Variants in PABPC4L observed in about 807,000 individuals in gnomAD.
PABPC4L encodes poly(A) binding protein cytoplasmic 4 like, also known as polyadenylate-binding protein 4-like.
For synonymous variants in PABPC4L, 169 were observed against 164.1 expected (o/e 1.03, Z -0.23); for missense variants, 452 against 451.4 (o/e 1.00, Z -0.01).
chr4:134,164,117 G>A, the PABPC4L span, among the ~76,000 whole-genome samples: 2 of 150,652 alleles, frequency 1.3e-5, no homozygotes, highest in African/African-American at 4.9e-5. Context: ...CAAAAAATTA[G>A]CCGGGCGTAG....
chr4:134,000,690 G>A, the PABPC4L span, among the ~76,000 whole-genome samples: 3 of 152,240 alleles, frequency 2.0e-5, no homozygotes, highest in East Asian at 3.9e-4. Context: ...CTCAATATGA[G>A]TGGCAGCAGT....
chr4:134,144,696 C>T, the PABPC4L span, among the ~76,000 whole-genome samples: 1 of 151,332 alleles, frequency 6.6e-6, no homozygotes, highest in Non-Finnish European at 1.5e-5. Context: ...TTCTATTATA[C>T]TCGGGACCCT....
At chr4:134,062,888 G>A in the PABPC4L span, among the ~76,000 whole-genome samples, 1 of 151,968 alleles carries the variant, frequency 6.6e-6, no homozygotes, top group Non-Finnish European at 1.5e-5. Flanking sequence ...TGAACTATAT[G>A]TAACCTATTT....
At chr4:134,056,078 C>T in the PABPC4L span, among the ~76,000 whole-genome samples, 1 of 151,566 alleles carries the variant, frequency 6.6e-6, no homozygotes, top group Non-Finnish European at 1.5e-5. Flanking sequence ...GCTATCTTTC[C>T]TTCATTGAAG....
the PABPC4L span, among the ~76,000 whole-genome samples, chr4:134,093,512 G>T: frequency 6.7e-6 from 1 of 149,086 alleles, no homozygotes; most frequent in African/African-American, 2.5e-5. Context: ...TATAGTCTTC[G>T]TAGTGATACA....
chr4:133,968,157 A>G, the PABPC4L span, among the ~76,000 whole-genome samples: 18 of 152,216 alleles, frequency 1.2e-4, no homozygotes, highest in African/African-American at 4.3e-4. Flanking sequence ...GACTAATGGC[A>G]TAGGGAACTA....
At chr4:134,139,359 G>GTTGC in the PABPC4L span, among the ~76,000 whole-genome samples, 2 of 152,008 alleles carry the variant, frequency 1.3e-5, no homozygotes, top group South Asian at 4.1e-4. Flanking sequence ...ATGAAGCATT[G>GTTGC]TTGCTGACTG....
the PABPC4L span, among the ~76,000 whole-genome samples, chr4:134,165,664 A>G: frequency 6.6e-6 from 1 of 152,198 alleles, no homozygotes; most frequent in African/African-American, 2.4e-5. Context: ...TGGTGAAAAG[A>G]GAACTCTTAC....
chr4:133,958,126 C>G, the PABPC4L span, among the ~76,000 whole-genome samples: 1 of 152,178 alleles, frequency 6.6e-6, no homozygotes, highest in African/African-American at 2.4e-5. Context: ...ATTGCATCAA[C>G]AGGCTGCAGA....
the PABPC4L span, among the ~76,000 whole-genome samples, chr4:133,975,261 C>T: frequency 2.6e-5 from 4 of 151,916 alleles, no homozygotes; most frequent in Admixed American, 1.3e-4. Flanking sequence ...TGTGTGATTC[C>T]ATTTACATAA....
the PABPC4L span, among the ~76,000 whole-genome samples, chr4:134,114,687 C>T: frequency 5.9e-5 from 9 of 151,826 alleles, no homozygotes; most frequent in South Asian, 2.1e-4. Flanking sequence ...TGGGTTTGGA[C>T]GGGTGAATGT....
the PABPC4L span, among the ~76,000 whole-genome samples, chr4:133,966,903 G>A: frequency 8.5e-5 from 13 of 152,126 alleles, no homozygotes; most frequent in African/African-American, 2.7e-4. Flanking sequence ...CCAGTTTGAA[G>A]GTTATTTTGG....
At chr4:134,059,731 G>A in the PABPC4L span, among the ~76,000 whole-genome samples, 2 of 151,772 alleles carry the variant, frequency 1.3e-5, no homozygotes, top group Non-Finnish European at 1.5e-5. Context: ...ATGAAAAACA[G>A]GAGAGAAAAG....
the PABPC4L span, among the ~76,000 whole-genome samples, chr4:133,961,003 G>T: frequency 3.3e-5 from 5 of 152,074 alleles, no homozygotes; most frequent in African/African-American, 1.2e-4. Context: ...AAAAGAGCGT[G>T]TACTCTTGGG....
At chr4:134,030,695 T>A in the PABPC4L span, among the ~76,000 whole-genome samples, 1 of 152,240 alleles carries the variant, frequency 6.6e-6, no homozygotes, top group African/African-American at 2.4e-5. Flanking sequence ...TGAAATATCT[T>A]TCTTCCTACG....
chr4:133,980,634 G>A, the PABPC4L span, among the ~76,000 whole-genome samples: 8 of 151,964 alleles, frequency 5.3e-5, no homozygotes, highest in African/African-American at 1.9e-4. Flanking sequence ...ATGAGACATC[G>A]AAATGCGCCA....
chr4:133,987,067 T>A, the PABPC4L span, among the ~76,000 whole-genome samples: 1 of 152,144 alleles, frequency 6.6e-6, no homozygotes, highest in African/African-American at 2.4e-5. Flanking sequence ...TGTTCCACAG[T>A]CAAAACTGGC....
chr4:134,006,650 G>T, the PABPC4L span, among the ~76,000 whole-genome samples: 1 of 151,836 alleles, frequency 6.6e-6, no homozygotes, highest in African/African-American at 2.4e-5. Flanking sequence ...TAAAGGGTAG[G>T]CAGGCTTCTC....
At chr4:134,047,911 T>G in the PABPC4L span, among the ~76,000 whole-genome samples, 1 of 152,228 alleles carries the variant, frequency 6.6e-6, no homozygotes, top group South Asian at 2.1e-4. Flanking sequence ...AGAGTAGATT[T>G]ATAAATGTTG....
Sources: allele counts gnomAD v4.1 joint callset (sites outside exome capture counted in the v4.1 genomes callset), GRCh38; gene constraint gnomAD v4.1.1; transcripts MANE v1.5; gene names NCBI Gene and HGNC (gene_info 2026-07-23, HGNC 2026-07-21).